AGBL1: variants seen among roughly 807,000 people sequenced by gnomAD.
AGBL1 encodes AGBL carboxypeptidase 1.
AGBL1 carries 130 observed loss-of-function variants against 118.9 expected under a neutral mutation model. The ratio of observed to expected loss-of-function variants is 1.09; its 90% confidence interval spans 0.95 to 1.26. The LOEUF is 1.26. Among genes scored for constraint, AGBL1 ranks in the 50% most tolerant of loss-of-function variants. AGBL1 has a pLI of 0.00. For missense variants in AGBL1, 1,584 were observed against 1,298.1 expected, an observed-to-expected ratio of 1.22 and a Z score of -3.38; for synonymous variants, 555 against 478.9, an observed-to-expected ratio of 1.16 and a Z score of -2.08.
At chr15:86,763,006 C>G (rs527963900) in intron 22 of AGBL1, among the ~76,000 whole-genome samples, 1 of 152,082 alleles carries the variant, frequency 6.6e-6, no homozygotes, top group African/African-American at 2.4e-5. Context: ...ACACACAATT[C>G]AGGTTGCTTA....
chr15:86,358,566 T>C (rs1480512206), intron 17 of AGBL1, among the ~76,000 whole-genome samples: 6 of 152,060 alleles, frequency 3.9e-5, no homozygotes, highest in Non-Finnish European at 7.4e-5. Flanking sequence ...TGCTGAATTA[T>C]GTGGTAGTTT....
At chr15:87,001,213 C>T (rs999132323) in intron 24 of AGBL1, among the ~76,000 whole-genome samples, 2 of 150,044 alleles carry the variant, frequency 1.3e-5, no homozygotes, top group African/African-American at 4.9e-5. Flanking sequence ...AATTGAATAC[C>T]CTTTATTTCC....
At chr15:86,893,618 G>A (rs2080082702) in intron 22 of AGBL1, among the ~76,000 whole-genome samples, 1 of 152,186 alleles carries the variant, frequency 6.6e-6, no homozygotes. Flanking sequence ...AATGGCAAGG[G>A]ATAGAGTCTT....
intron 22 of AGBL1, among the ~76,000 whole-genome samples, chr15:86,753,443 G>A (rs2077886134): frequency 7.0e-6 from 1 of 143,150 alleles, no homozygotes; most frequent in Admixed American, 7.3e-5. Context: ...TGTCGCCCAG[G>A]CTGGAGTGCA....
At chr15:86,654,772 T>C (rs1311424866) in intron 21 of AGBL1, among the ~76,000 whole-genome samples, 2 of 152,106 alleles carry the variant, frequency 1.3e-5, no homozygotes, top group Non-Finnish European at 1.5e-5. Flanking sequence ...TTTCTGATGA[T>C]GGGCCCTGCC....
intron 18 of AGBL1, among the ~76,000 whole-genome samples, chr15:86,440,956 G>C (rs1416337664): frequency 6.6e-6 from 1 of 152,182 alleles, no homozygotes; most frequent in East Asian, 1.9e-4. Flanking sequence ...ACAGTGTCAG[G>C]AGTGGACATT....
chr15:86,128,915 C>A (rs778722616), intron 1 of AGBL1, among the ~76,000 whole-genome samples: 1 of 152,180 alleles, frequency 6.6e-6, no homozygotes, highest in Non-Finnish European at 1.5e-5. Flanking sequence ...ATCTCCAGTT[C>A]TTGACCTGAA....
chr15:86,333,185 C>A (rs4352020), intron 17 of AGBL1, among the ~76,000 whole-genome samples: 105,502 of 151,980 alleles, frequency 0.69, 37,406 homozygotes, highest in Non-Finnish European at 0.78. Flanking sequence ...ATAAATAAAT[C>A]AGAAAAGAAC....
At chr15:86,317,713 T>C (rs2080037796) in intron 17 of AGBL1, among the ~76,000 whole-genome samples, 1 of 152,244 alleles carries the variant, frequency 6.6e-6, no homozygotes. Context: ...TTTAGACTTT[T>C]TGTGCCAGAA....
chr15:87,009,680 C>A (rs1350407604), intron 24 of AGBL1, among the ~76,000 whole-genome samples: 1 of 152,204 alleles, frequency 6.6e-6, no homozygotes, highest in African/African-American at 2.4e-5. Flanking sequence ...GGAGGCTCTA[C>A]CCTGTGAAGC....
intron 1 of AGBL1, among the ~76,000 whole-genome samples, chr15:86,095,107 G>T (rs1896274004): frequency 6.6e-6 from 1 of 152,106 alleles, no homozygotes. Flanking sequence ...CAGATGGAGA[G>T]GTACATAGAG....
In AGBL1 at chr15:86,518,430, G is replaced by A. The variant is rs2083148110; in HGVS notation, c.2556-4380G>A. Among the ~76,000 whole-genome samples the A allele has an allele frequency of 2.6e-5, 4 of 152,042 alleles. No individual in the cohort carries two copies. The East Asian group carries it at 7.7e-4, about 29-fold the overall frequency. On this transcript the variant is annotated intron_variant, in intron 18 of 22. Transcript: ENST00000614907. ...TAATCAGAATGTCATGCAGCTGGTG[G>A]CTTCTATTCAGTGACCCTTTAGTTA...
intron 17 of AGBL1, chr15:86,296,088 A>G (rs2079633016): frequency 3.9e-5 from 6 of 152,238 alleles, no homozygotes; most frequent in South Asian, 2.1e-4. Context: ...GTATACAGAC[A>G]CGTACACACA....
chr15:86,317,440 G>A (rs2080031121), intron 17 of AGBL1, among the ~76,000 whole-genome samples: 1 of 152,192 alleles, frequency 6.6e-6, no homozygotes, highest in Non-Finnish European at 1.5e-5. Flanking sequence ...AACAGCACTG[G>A]AGAAATTAGG....
At chr15:86,523,688 T>C (rs1012720973) in intron 19 of AGBL1, among the ~76,000 whole-genome samples, 1 of 105,224 alleles carries the variant, frequency 9.5e-6, no homozygotes, top group African/African-American at 5.6e-5. Context: ...CCTCTAGGTG[T>C]TTATGTTCAA....
chr15:86,683,330 A>G (rs374234171), intron 22 of AGBL1, among the ~76,000 whole-genome samples: 44 of 152,280 alleles, frequency 2.9e-4, no homozygotes, highest in African/African-American at 8.4e-4. Flanking sequence ...AGGGAAGATT[A>G]ATGTATACCA....
At chr15:86,752,256 C>A (rs563127056) in intron 22 of AGBL1, among the ~76,000 whole-genome samples, 2 of 152,214 alleles carry the variant, frequency 1.3e-5, no homozygotes, top group South Asian at 4.1e-4. Context: ...TCCCTCCCAA[C>A]TGATATATTC....
At position 86,396,151 on chromosome 15, in the gene AGBL1, A is replaced by G. The variant is rs965038867; in HGVS notation, c.2375-1215A>G. ...ATCATATATTCATATATATGTGTAT[A>G]TATATATATATAAAATCATATATTC... On this transcript the variant is annotated intron_variant, in intron 17 of 22. Coordinates refer to ENST00000614907, the MANE Select transcript of AGBL1 (RefSeq NM_001386094.1). 6.7e-5 allele frequency among the ~76,000 whole-genome samples: 9 copies of G among 134,118 alleles called. No homozygotes were observed. In the East Asian group the frequency reaches 1.4e-3, roughly 21 times the overall value. The allele number at this position is 134,118 out of a possible 152,430, so 88.0% of individuals were successfully genotyped here.
chr15:86,213,868 T>G (rs1409698231), intron 5 of AGBL1, among the ~76,000 whole-genome samples: 1 of 152,178 alleles, frequency 6.6e-6, no homozygotes, highest in African/African-American at 2.4e-5. Flanking sequence ...TGTCAAAACT[T>G]TGTTGTTACC....
Sources: gnomAD v4.1 joint callset for allele counts (sites outside exome capture counted in the v4.1 genomes callset) on GRCh38, gnomAD v4.1.1 for gene constraint, MANE v1.5 for transcripts, NCBI Gene and HGNC (gene_info 2026-07-23, HGNC 2026-07-21) for gene names.